PAH: variants seen among roughly 807,000 people sequenced by gnomAD.
PAH encodes the protein phenylalanine-4-hydroxylase.
A neutral mutation model predicts 62.0 loss-of-function variants in PAH; 64 were observed. That is an observed-to-expected ratio of 1.03 (90% confidence interval 0.84 to 1.27). The LOEUF is 1.27. Ranked by LOEUF, PAH falls within the 50% of genes most tolerant of loss-of-function variation. The pLI is 0.00. For synonymous variants in PAH, 195 were observed against 196.2 expected, an observed-to-expected ratio of 0.99 and a Z score of 0.05; for missense variants, 579 against 542.8, an observed-to-expected ratio of 1.07 and a Z score of -0.66.
chr12:102,894,901 C>T lies in PAH; in HGVS notation c.186G>A (p.Leu62=), dbSNP rs779383205. ...LRLFEENDVN[L]THIESRPSRL... is the part of the protein sequence containing the mutation. ...GAGAAGGTCTAGATTCAATGTGGGT[C>T]AGGTTTACATCATTCTCCTAGAAGA... Residue 62 remains leucine, a synonymous_variant, in exon 3 of 13, where the codon CTG becomes CTA. Coordinates refer to ENST00000553106, the MANE Select transcript of PAH (RefSeq NM_000277.3). 3.1e-6 allele frequency: 5 copies of T among 1,613,286 alleles called. No individual in the cohort carries two copies. Among genetic ancestry groups the T allele is most frequent in the South Asian group, 2.2e-5 (2 of 91,068 alleles).
At chr12:102,879,408 G>C (rs950272190) in intron 3 of PAH, among the ~76,000 whole-genome samples, 1 of 151,398 alleles carries the variant, frequency 6.6e-6, no homozygotes, top group African/African-American at 2.4e-5. Context: ...CCAATCTGGG[G>C]AAATTCCCTC....
chr12:102,870,341 A>T (rs1722401), intron 4 of PAH, among the ~76,000 whole-genome samples: 128,688 of 152,172 alleles, frequency 0.85, 54,494 homozygotes, highest in South Asian at 0.91. Context: ...ATTTATTCAC[A>T]AGGAGCATGG....
chr12:102,888,028 C>T (rs948537466), intron 3 of PAH, among the ~76,000 whole-genome samples: 13 of 152,176 alleles, frequency 8.5e-5, no homozygotes, highest in South Asian at 4.1e-4. Flanking sequence ...TGGCATTTCA[C>T]GGTTGCCTTT....
rs190552605 is a variant in PAH at position 102,956,193 on chromosome 12, A to G, written c.-96+2002T>C. On this transcript the variant is annotated intron_variant, in intron 1 of 4. Coordinates refer to the PAH transcript ENST00000551337. ...CTCGGATTATTTCTACTGGAAAATCAAATGGATGATTGCCCTCCACTTCGT... is the reference window on the plus strand; with the variant it reads ...CTCGGATTATTTCTACTGGAAAATCGAATGGATGATTGCCCTCCACTTCGT... 3.7e-3 allele frequency among the ~76,000 whole-genome samples: 569 copies of G among 152,340 alleles called. 3 individuals are homozygous for G. Among genetic ancestry groups the G allele is most frequent in the African/African-American group, 0.012 (517 of 41,576 alleles).
intron 4 of PAH, among the ~76,000 whole-genome samples, chr12:102,873,464 C>G (rs903318299): frequency 1.3e-5 from 2 of 152,200 alleles, no homozygotes; most frequent in African/African-American, 4.8e-5. Context: ...TACTGACCCA[C>G]ATTGGAAGTG....
intron 2 of PAH, among the ~76,000 whole-genome samples, chr12:102,898,453 A>G (rs1877601288): frequency 6.6e-6 from 1 of 152,216 alleles, no homozygotes; most frequent in African/African-American, 2.4e-5. Flanking sequence ...CCAATATTTA[A>G]ATGGACAGAA....
At chr12:102,945,086 T>C (rs1255117330) in intron 1 of PAH, 1 of 152,246 alleles carries the variant, frequency 6.6e-6, no homozygotes, top group Non-Finnish European at 1.5e-5. Flanking sequence ...AGGCAGAGAC[T>C]CTTGTTTTTA....
At chr12:102,933,874 A>G (rs1210181323) in intron 1 of PAH, among the ~76,000 whole-genome samples, 2 of 151,674 alleles carry the variant, frequency 1.3e-5, no homozygotes, top group Non-Finnish European at 2.9e-5. Context: ...GTTTGCAAAT[A>G]TTTTCTCCCA....
chr12:102,868,078 ATG>A (rs758762716), intron 4 of PAH, among the ~76,000 whole-genome samples: 3 of 64,818 alleles, frequency 4.6e-5, no homozygotes, highest in Non-Finnish European at 9.4e-5. Flanking sequence ...ATATACATAT[ATG>A]TGTGTGTGTA....
chr12:102,938,416 C>A (rs571242829), intron 1 of PAH, among the ~76,000 whole-genome samples: 220 of 152,312 alleles, frequency 1.4e-3, no homozygotes, highest in Middle Eastern at 3.4e-3. Flanking sequence ...TCCCTGAGCA[C>A]CCCGACACCA....
chr12:102,928,242 T>C (rs1422451367), intron 1 of PAH, among the ~76,000 whole-genome samples: 1 of 152,206 alleles, frequency 6.6e-6, no homozygotes, highest in African/African-American at 2.4e-5. Flanking sequence ...TGAGTCATAA[T>C]CACATCAGGG....
At chr12:102,910,019 TA>T (rs1158407365) in intron 2 of PAH, among the ~76,000 whole-genome samples, 2 of 152,198 alleles carry the variant, frequency 1.3e-5, no homozygotes, top group Non-Finnish European at 2.9e-5. Context: ...TTTTTTAACT[TA>T]AAAATATTTA....
In PAH at chr12:102,852,942, C is replaced by G. The variant is rs62517178; in HGVS notation, c.715G>C (p.Gly239Arg). ...CCAGCCACAGGTCGGAGGCGGAAAC[C>G]AGTGCAAGCTGGGATGAAAAGAAGA... ...DVSQFLQTCT[G>R]FRLRPVAGLL... The change falls in exon 7 of 13, where the codon GGT becomes CGT. Residue 239 changes from glycine to arginine, a missense_variant. Physicochemically the swap from Gly to Arg is moderately radical, Grantham distance 125 (BLOSUM62 -2). Coordinates refer to ENST00000553106, the MANE Select transcript of PAH (RefSeq NM_000277.3). 6.2e-7 allele frequency: 1 copy of G among 1,614,080 alleles called. No homozygotes were observed.
At chr12:102,848,639 G>A (rs534462439) in intron 8 of PAH, among the ~76,000 whole-genome samples, 40 of 151,532 alleles carry the variant, frequency 2.6e-4, no homozygotes, top group Non-Finnish European at 5.3e-4. Context: ...CACTGGAGAG[G>A]TAGAGGGTAA....
At position 102,851,752 on chromosome 12, in the gene PAH, T is replaced by A. The variant is rs62517168; in HGVS notation, c.847A>T (p.Ile283Phe). 17 of 1,613,966 alleles carry A rather than the reference T, an allele frequency of 1.1e-5. No homozygotes were observed. Among genetic ancestry groups the A allele is most frequent in the Non-Finnish European group, 1.4e-5 (17 of 1,179,862 alleles). Residue 283 changes from isoleucine to phenylalanine, a missense_variant, in exon 8 of 13, where the codon ATC (isoleucine) becomes TTC (phenylalanine). Ile to Phe is a conservative substitution (Grantham distance 21). Transcript: ENST00000553106. ...ACATGTCCCAACAGCTCATGGCAGA[T>A]GTCACTGAAAGACAGAAAGCACAGA... The part of the protein sequence containing the change: ...SKPMYTPEPD[I>F]CHELLGHVPL...
rs1020431803 is a variant in PAH at position 102,957,911 on chromosome 12, T to C, written c.-96+284A>G. ...TGACTTTTGCTGCTGCTTCTGCTTT[T>C]TTTTTTCTTAGAAACAAGAAGGCGC... On this transcript the variant is annotated intron_variant, in intron 1 of 4. Transcript: ENST00000551337. The surrounding 1 kb of genome is among the most constrained non-coding windows in gnomAD (Gnocchi z 4.1). 4.4e-6 allele frequency: 1 copy of C among 227,774 alleles called. No homozygotes were observed. The highest frequency in any genetic ancestry group is 2.3e-5 in the African/African-American group (1 of 43,958). The allele number at this position is 227,774 out of a possible 1,614,324, so 14.1% of individuals were successfully genotyped here.
chr12:102,848,897 G>A (rs190084705), intron 8 of PAH, among the ~76,000 whole-genome samples: 1 of 151,940 alleles, frequency 6.6e-6, no homozygotes, highest in East Asian at 1.9e-4. Flanking sequence ...AGGGTAGACA[G>A]AACACAAGGA....
intron 3 of PAH, 64 bp from the exon 4 acceptor site, chr12:102,877,614 G>A: frequency 8.1e-7 from 1 of 1,230,350 alleles, no homozygotes; most frequent in South Asian, 1.2e-5. Flanking sequence ...AGGCCTTGCT[G>A]AGATCAGAAG....
At chr12:102,900,530 G>C (rs1877713328) in intron 2 of PAH, among the ~76,000 whole-genome samples, 1 of 152,050 alleles carries the variant, frequency 6.6e-6, no homozygotes, top group Non-Finnish European at 1.5e-5. Context: ...TACTTACTTG[G>C]CAAAAGTCTT....
Sources: gnomAD v4.1 joint callset for allele counts (sites outside exome capture counted in the v4.1 genomes callset) on GRCh38, gnomAD v4.1.1 for gene constraint, Gnocchi (gnomAD v3.1) non-coding constraint, MANE v1.5 for transcripts, NCBI Gene and HGNC (gene_info 2026-07-23, HGNC 2026-07-21) for gene names.